EVI5: variants seen among roughly 807,000 people sequenced by gnomAD.
EVI5 encodes ecotropic viral integration site 5 protein homolog.
Under a neutral mutation model 112.0 loss-of-function variants are expected in EVI5, and 73 were observed. The ratio of observed to expected loss-of-function variants is 0.65; its 90% CI spans 0.54 to 0.79. EVI5 has a LOEUF of 0.79. Ranked by LOEUF, EVI5 falls within the 30% of genes least tolerant of loss-of-function variation. The probability of loss-of-function intolerance (pLI) is 0.00; values close to 1 mark genes in which losing one functional copy is unlikely to be tolerated. For synonymous variants in EVI5, 305 were observed against 319.9 expected (o/e 0.95, Z 0.50); for missense variants, 900 against 968.8 (o/e 0.93, Z 0.94).
At chr1:92,725,951 G>A (rs1246676396) in intron 2 of EVI5, among the ~76,000 whole-genome samples, 1 of 152,086 alleles carries the variant, frequency 6.6e-6, no homozygotes, top group Non-Finnish European at 1.5e-5. Flanking sequence ...AACACAATGT[G>A]AGAGATAAAA....
At chr1:92,764,035 T>C (rs925938246) in intron 1 of EVI5, among the ~76,000 whole-genome samples, 3 of 152,118 alleles carry the variant, frequency 2.0e-5, no homozygotes, top group African/African-American at 7.2e-5. Flanking sequence ...TAAAAAAAAA[T>C]CTAAATATAA....
chr1:92,589,899 T>G (rs1031644439), intron 18 of EVI5, among the ~76,000 whole-genome samples: 1 of 152,100 alleles, frequency 6.6e-6, no homozygotes, highest in Non-Finnish European at 1.5e-5. Context: ...CACGGCCGGG[T>G]ACCCCTCTGA....
At chr1:92,776,686 A>G (rs1684178199) in intron 1 of EVI5, among the ~76,000 whole-genome samples, 2 of 149,738 alleles carry the variant, frequency 1.3e-5, no homozygotes, top group Non-Finnish European at 3.0e-5. Context: ...CCCAAGCTGG[A>G]GTGCAGTGGT....
At chr1:92,520,201 T>A (rs1242057257) in intron 19 of EVI5, among the ~76,000 whole-genome samples, 1 of 152,172 alleles carries the variant, frequency 6.6e-6, no homozygotes, top group Admixed American at 6.5e-5. Flanking sequence ...AAAGCTTTTT[T>A]TTAAAGTAGA....
chr1:92,666,590 A>AGGGAG (rs1270555797), intron 10 of EVI5, among the ~76,000 whole-genome samples: 1,057 of 63,894 alleles, frequency 0.017, 39 homozygotes, highest in African/African-American at 0.064. Flanking sequence ...TGTCCAAAAA[A>AGGGAG]GGGAGGGGAG....
rs1179160088 is a variant in EVI5 at position 92,693,840 on chromosome 1, T to A, written c.1059A>T (p.Ala353=). The A allele has an allele frequency of 6.2e-7, 1 of 1,607,322 alleles. No individual in the cohort carries two copies. The highest frequency in any genetic ancestry group is 1.7e-5 in the Admixed American group (1 of 59,956). ...FDGVPDKLIQ[A]AYQVKYNSKK... The stretch of plus-strand genomic sequence containing the variant: ...TTGAATTGTATTTGACTTGGTAAGC[T>A]GCTTGGATTAGCTTGTCTGGGACAC... The change falls in exon 9 of 20, where the codon GCA becomes GCT. Residue 353 remains alanine (A), a synonymous_variant. Coordinates refer to ENST00000684568, the MANE Select transcript of EVI5 (RefSeq NM_001350197.2).
chr1:92,613,603 T>A (rs981020914), intron 16 of EVI5, among the ~76,000 whole-genome samples: 23 of 152,152 alleles, frequency 1.5e-4, no homozygotes, highest in South Asian at 6.2e-4. Context: ...TATTTTTTTT[T>A]AATTTAGAAA....
chr1:92,764,392 A>T (rs988949669), intron 1 of EVI5, among the ~76,000 whole-genome samples: 1 of 152,214 alleles, frequency 6.6e-6, no homozygotes, highest in Non-Finnish European at 1.5e-5. Context: ...GGAATATTTA[A>T]AATGATAGTA....
chr1:92,732,222 T>G, intron 2 of EVI5: 1 of 253,532 alleles, frequency 3.9e-6, no homozygotes, highest in South Asian at 5.0e-5. Flanking sequence ...GTTGAAAAAC[T>G]TGTGGCAGTT....
At chr1:92,713,842 C>A (rs889785583) in intron 2 of EVI5, among the ~76,000 whole-genome samples, 5 of 152,146 alleles carry the variant, frequency 3.3e-5, no homozygotes, top group Non-Finnish European at 7.4e-5. Context: ...TGCTAAAAAG[C>A]AAAATATGAT....
chr1:92,587,850 A>C (rs889727121), intron 18 of EVI5, among the ~76,000 whole-genome samples: 2 of 152,240 alleles, frequency 1.3e-5, no homozygotes, highest in Non-Finnish European at 2.9e-5. Flanking sequence ...AGATGTGCTT[A>C]GCCCACAGAA....
At chr1:92,592,718 T>C (rs899732048) in intron 18 of EVI5, among the ~76,000 whole-genome samples, 4 of 151,960 alleles carry the variant, frequency 2.6e-5, no homozygotes, top group African/African-American at 4.8e-5. Context: ...ATAGATGCAA[T>C]ACAAAATGAT....
chr1:92,570,127 T>A (rs895300165), intron 18 of EVI5, among the ~76,000 whole-genome samples: 1 of 152,086 alleles, frequency 6.6e-6, no homozygotes, highest in African/African-American at 2.4e-5. Flanking sequence ...AGAATGCTCA[T>A]TCATATAAAA....
At chr1:92,756,455 C>T (rs1315921363) in intron 1 of EVI5, 4 of 539,756 alleles carry the variant, frequency 7.4e-6, no homozygotes, top group Admixed American at 3.9e-5. Context: ...GATTATACTT[C>T]GTCTTTCTCC....
intron 2 of EVI5, among the ~76,000 whole-genome samples, chr1:92,728,450 C>G (rs140485164): frequency 2.6e-5 from 4 of 151,692 alleles, no homozygotes; most frequent in Non-Finnish European, 5.9e-5. Flanking sequence ...TACAGAGGCG[C>G]GATCTCTGCT....
intron 13 of EVI5, among the ~76,000 whole-genome samples, chr1:92,656,537 T>G (rs1021228284): frequency 6.6e-6 from 1 of 151,114 alleles, no homozygotes; most frequent in Non-Finnish European, 1.5e-5. Context: ...ACAAAGACCA[T>G]AGCAGAACTA....
In EVI5 at chr1:92,714,384, T is replaced by C. The variant is rs372276704; in HGVS notation, c.150-9640A>G. ...GAAGAATAAATCCTAAATAAAAGCATCTACTTTGTTATGCTACAAAGTGTA... is the reference window on the plus strand; with the variant it reads ...GAAGAATAAATCCTAAATAAAAGCACCTACTTTGTTATGCTACAAAGTGTA... On this transcript the variant is annotated intron_variant, in intron 2 of 19. Transcript: ENST00000684568. 5.9e-5 allele frequency among the ~76,000 whole-genome samples: 9 copies of C among 152,340 alleles called. No homozygotes were observed. In the East Asian group the frequency reaches 1.7e-3, roughly 29 times the overall value.
intron 4 of EVI5, among the ~76,000 whole-genome samples, chr1:92,702,441 CATAAAATAAAATAAAATAAA>C (rs57227203): frequency 1.6e-4 from 22 of 140,212 alleles, no homozygotes; most frequent in African/African-American, 5.5e-4. Flanking sequence ...GCTCTAAAGA[CATAAAATAAAATAAAATAAA>C]ATAAAATAAA....
chr1:92,742,999 A>G (rs1678657974), intron 1 of EVI5, among the ~76,000 whole-genome samples: 2 of 152,240 alleles, frequency 1.3e-5, no homozygotes, highest in Non-Finnish European at 2.9e-5. Flanking sequence ...GTGTACATCA[A>G]TGGATTAATG....
Sources: allele counts gnomAD v4.1 joint callset (sites outside exome capture counted in the v4.1 genomes callset), GRCh38; gene constraint gnomAD v4.1.1; transcripts MANE v1.5; gene names NCBI Gene and HGNC (gene_info 2026-07-23, HGNC 2026-07-21).